The following NRL variants were observed in gnomAD, a reference collection of about 807,000 sequenced individuals.
NRL encodes the protein neural retina leucine zipper.
Under a neutral mutation model 12.5 loss-of-function variants are expected in NRL, and 16 were observed. The observed-to-expected ratio is 1.28, with a 90% confidence interval of 0.87 to 1.95. The LOEUF (loss-of-function observed/expected upper bound fraction) is 1.95. NRL is among the 30% of genes most tolerant of loss of function. The probability of loss-of-function intolerance (pLI) is 0.00; values close to 1 mark genes in which losing one functional copy is unlikely to be tolerated. For synonymous variants in NRL, 142 were observed against 150.9 expected, an observed-to-expected ratio of 0.94 and a Z score of 0.43; for missense variants, 314 against 325.8, an observed-to-expected ratio of 0.96 and a Z score of 0.28.
At chr14:24,104,103 A>T in intron 1 of NRL, 1 of 632,544 alleles carries the variant, frequency 1.6e-6, no homozygotes, top group South Asian at 2.0e-5. Flanking sequence ...CTGTCCAATA[A>T]TAAGAGATGC....
intron 1 of NRL, among the ~76,000 whole-genome samples, chr14:24,083,155 G>A (rs1315054730): frequency 1.3e-5 from 2 of 152,230 alleles, no homozygotes; most frequent in Non-Finnish European, 2.9e-5. Flanking sequence ...TGAAAAGCAA[G>A]AGCAGTATGG....
chr14:24,103,642 G>T (rs773568356), intron 1 of NRL: 1 of 1,614,202 alleles, frequency 6.2e-7, no homozygotes, highest in Non-Finnish European at 8.5e-7. Flanking sequence ...CATGTCAACT[G>T]GTTCCGGCGT....
intron 1 of NRL, chr14:24,097,126 GTACAATAA>G (rs2036921714): frequency 6.2e-7 from 1 of 1,613,802 alleles, no homozygotes; most frequent in Non-Finnish European, 8.5e-7. Flanking sequence ...AGCTCCCCAA[GTACAATAA>G]CTGGTAAGCC....
chr14:24,102,282 C>G (rs1291303607), intron 1 of NRL, among the ~76,000 whole-genome samples: 5 of 152,198 alleles, frequency 3.3e-5, no homozygotes, highest in Non-Finnish European at 7.3e-5. Flanking sequence ...TTAGGAGAAC[C>G]TGTCTTCCCC....
chr14:24,098,950 G>A, intron 1 of NRL: 2 of 925,478 alleles, frequency 2.2e-6, no homozygotes, highest in Middle Eastern at 3.1e-4. Context: ...TGCTGCTACT[G>A]CTCCCAAGTG....
In NRL at chr14:24,081,415, T is replaced by G; in HGVS notation, c.535A>C (p.Lys179Gln). 11 of 1,521,358 alleles carry G rather than the reference T, an allele frequency of 7.2e-6. No homozygotes were observed. The highest frequency in any genetic ancestry group is 9.7e-6 in the Non-Finnish European group (11 of 1,136,954). 94.2% of individuals were successfully genotyped at this position (1,521,358 alleles called of 1,614,324 possible). ...NRGYAQACRS[K>Q]RLQQRRGLEA... is the part of the protein sequence containing the mutation. ...AGCCCGCGCCGCTGCTGCAGCCGCT[T>G]GGAGCGACAGGCCTGCGCGTAGCCG... The change falls in exon 3 of 3, where the codon AAG becomes CAG. Residue 179 changes from lysine (K) to glutamine (Q), a missense_variant. Transcript: ENST00000561028. The surrounding 1 kb of genome is among the most constrained non-coding windows in gnomAD (Gnocchi z 4.4).
At chr14:24,103,611 G>C (rs776906841) in intron 1 of NRL, 1 of 1,613,292 alleles carries the variant, frequency 6.2e-7, no homozygotes, top group Non-Finnish European at 8.5e-7. Flanking sequence ...GCGCAAGGGG[G>C]CCCAGCTGCC....
Position 24,103,937 on chromosome 14 carries a change from C to T in NRL, c.-28+10785G>A, listed in dbSNP as rs1352781711. 4.3e-6 allele frequency: 7 copies of T among 1,613,670 alleles called. No individual in the cohort carries two copies. The highest frequency in any genetic ancestry group is 1.7e-4 in the Middle Eastern group (1 of 6,060). ...AAGAGGTGTTGGCTGAGCTTGAGGC[C>T]CTGGAGAGACGTGTGCACAAAATGT... On this transcript the variant is annotated intron_variant, in intron 1 of 2. Coordinates refer to ENST00000561028, the MANE Select transcript of NRL (RefSeq NM_001354768.3).
At chr14:24,083,283 T>C (rs1566561559) in intron 1 of NRL, among the ~76,000 whole-genome samples, 1 of 152,186 alleles carries the variant, frequency 6.6e-6, no homozygotes, top group Non-Finnish European at 1.5e-5. Context: ...AGTGAGTGTA[T>C]ATTTTAGGAC....
intron 1 of NRL, among the ~76,000 whole-genome samples, chr14:24,110,068 G>A (rs2037395537): frequency 6.6e-6 from 1 of 151,968 alleles, no homozygotes; most frequent in Non-Finnish European, 1.5e-5. Flanking sequence ...ACCAGTTCAT[G>A]CAAGCCCTCC....
intron 1 of NRL, among the ~76,000 whole-genome samples, chr14:24,087,977 A>C (rs1468727940): frequency 6.6e-6 from 1 of 152,062 alleles, no homozygotes. Context: ...GCAGTGGGCC[A>C]TGATGGTGCC....
chr14:24,106,577 C>T (rs1211038990), intron 1 of NRL, among the ~76,000 whole-genome samples: 1 of 151,906 alleles, frequency 6.6e-6, no homozygotes, highest in Non-Finnish European at 1.5e-5. Context: ...AAAAATTAGC[C>T]AGGCATGGTG....
rs919582016 is a variant in NRL, at chr14:24,080,730, A to C, written c.*506T>G. 1 of 152,568 alleles carries C rather than the reference A, an allele frequency of 6.6e-6. No homozygotes were observed. The allele number at this position is 152,568 out of a possible 1,614,324, so 9.5% of individuals were successfully genotyped here. ...CCACAGGGTTGGGCAGGGAAAAAGC[A>C]TCTCGGATAGAGGTCCTAATCTATC... On this transcript the variant is annotated 3_prime_UTR_variant, in exon 3 of 3. Coordinates refer to ENST00000561028, the MANE Select transcript of NRL (RefSeq NM_001354768.3).
At chr14:24,104,797 C>T (rs561748676) in intron 1 of NRL, among the ~76,000 whole-genome samples, 1 of 152,268 alleles carries the variant, frequency 6.6e-6, no homozygotes, top group Non-Finnish European at 1.5e-5. Context: ...ATTGTCAGTT[C>T]TCGAATTTGT....
chr14:24,092,020 C>A (rs2036646386), intron 1 of NRL, among the ~76,000 whole-genome samples: 1 of 152,140 alleles, frequency 6.6e-6, no homozygotes, highest in Non-Finnish European at 1.5e-5. Context: ...GGTGACCGAG[C>A]AAATGACTCT....
rs2036269504 is a variant in NRL, at chr14:24,081,175, C to T, written c.*61G>A. 1.6e-6 allele frequency: 2 copies of T among 1,216,444 alleles called. No individual in the cohort carries two copies. Among genetic ancestry groups the T allele is most frequent in the Non-Finnish European group, 2.2e-6 (2 of 928,284 alleles). The allele number at this position is 1,216,444 out of a possible 1,614,324, so 75.4% of individuals were successfully genotyped here. On this transcript the variant is annotated 3_prime_UTR_variant, in exon 3 of 3. Transcript: ENST00000561028. This position sits in a 1 kb window ranked among gnomAD's most constrained non-coding sequence, Gnocchi z 4.4. The stretch of plus-strand genomic sequence containing the variant: ...GTAACGATGCAGAGAACCGTGCAGC[C>T]GCCTCCTGGGCGGAGCCACCCCACC...
intron 1 of NRL, among the ~76,000 whole-genome samples, chr14:24,111,381 T>C (rs534427513): frequency 6.6e-6 from 1 of 152,152 alleles, no homozygotes; most frequent in South Asian, 2.1e-4. Context: ...TGATTGTTTT[T>C]TGTGTGTGTG....
chr14:24,081,029 G>A lies in NRL; in HGVS notation c.*207C>T. Reference sequence around the variant, plus strand: ...GGGCTGGGTTTCTGTGTTCGTAAGGGGAGGGGACCCCTCTCCAGAAAATGA... The same window carrying A: ...GGGCTGGGTTTCTGTGTTCGTAAGGAGAGGGGACCCCTCTCCAGAAAATGA... On this transcript the variant is annotated 3_prime_UTR_variant, in exon 3 of 3. Transcript: ENST00000561028. This position sits in a 1 kb window ranked among gnomAD's most constrained non-coding sequence, Gnocchi z 4.4. The A allele has an allele frequency of 2.5e-6, 1 of 404,176 alleles. No individual in the cohort carries two copies. Among genetic ancestry groups the A allele is most frequent in the Non-Finnish European group, 4.3e-6 (1 of 231,974 alleles). The allele number at this position is 404,176 out of a possible 1,614,324, so 25.0% of individuals were successfully genotyped here. A position where few individuals can be genotyped will look rare whatever the true frequency, so the allele number is the denominator to read the frequency against.
chr14:24,099,716 T>C (rs1199560349), intron 1 of NRL: 2 of 1,613,144 alleles, frequency 1.2e-6, no homozygotes, highest in East Asian at 4.5e-5. Context: ...GGTTTGACAG[T>C]GAAGGTGAGG....
Sources: gnomAD v4.1 joint callset for allele counts (sites outside exome capture counted in the v4.1 genomes callset) on GRCh38, gnomAD v4.1.1 for gene constraint, Gnocchi (gnomAD v3.1) non-coding constraint, MANE v1.5 for transcripts, NCBI Gene and HGNC (gene_info 2026-07-23, HGNC 2026-07-21) for gene names.